Variants in DTNB observed in about 807,000 individuals in gnomAD.
DTNB encodes the protein DTN-B.
In DTNB, 63 loss-of-function variants were observed where a neutral mutation model predicts 90.7. The ratio of observed to expected loss-of-function variants is 0.69; its 90% confidence interval spans 0.57 to 0.86. The LOEUF is 0.86. Ranked by LOEUF, DTNB falls within the 40% of genes least tolerant of loss-of-function variation. The pLI, the probability that DTNB is intolerant of heterozygous loss-of-function variation, is 0.00. For synonymous variants in DTNB, 277 were observed against 286.7 expected (o/e 0.97, Z 0.34); for missense variants, 744 against 807.1 (o/e 0.92, Z 0.95).
intron 5 of DTNB, among the ~76,000 whole-genome samples, chr2:25,606,383 C>G (rs1022484002): frequency 3.3e-5 from 5 of 152,136 alleles, no homozygotes; most frequent in Non-Finnish European, 7.4e-5. Context: ...ACGTGTGTCT[C>G]CTGCTACAGC....
intron 14 of DTNB, chr2:25,427,886 GAATT>G: frequency 3.8e-6 from 1 of 264,308 alleles, no homozygotes; most frequent in East Asian, 7.6e-5. Flanking sequence ...TTACCAGAGT[GAATT>G]AATGATTAAA....
chr2:25,598,560 C>T (rs1471973352), intron 5 of DTNB, among the ~76,000 whole-genome samples: 1 of 152,186 alleles, frequency 6.6e-6, no homozygotes, highest in Non-Finnish European at 1.5e-5. Context: ...TTTAAAACCA[C>T]ACCTATCTGA....
chr2:25,442,181 TG>T (rs2057558796), intron 12 of DTNB, among the ~76,000 whole-genome samples: 2 of 152,364 alleles, frequency 1.3e-5, no homozygotes, highest in South Asian at 4.1e-4. Context: ...AGTAAAGTAC[TG>T]GTCCTTTGCC....
At chr2:25,442,386 C>G (rs2057615881) in intron 12 of DTNB, among the ~76,000 whole-genome samples, 2 of 152,174 alleles carry the variant, frequency 1.3e-5, no homozygotes, top group South Asian at 4.1e-4. Context: ...ACTCCAGTCA[C>G]CTAGAGGGAT....
At chr2:25,498,322 AGT>A (rs2069499978) in intron 9 of DTNB, among the ~76,000 whole-genome samples, 1 of 152,208 alleles carries the variant, frequency 6.6e-6, no homozygotes, top group Non-Finnish European at 1.5e-5. Context: ...CAAACCAACT[AGT>A]GTGACTGTTA....
chr2:25,649,315 C>T (rs35294680), intron 2 of DTNB, among the ~76,000 whole-genome samples: 66,964 of 152,042 alleles, frequency 0.44, 15,856 homozygotes, highest in East Asian at 0.77. Context: ...ATCCTTCCTA[C>T]TTTTCAATAT....
At chr2:25,519,651 A>G (rs1279120567) in intron 9 of DTNB, among the ~76,000 whole-genome samples, 2 of 152,118 alleles carry the variant, frequency 1.3e-5, no homozygotes, top group Non-Finnish European at 2.9e-5. Flanking sequence ...ACCAGTGAGC[A>G]TTTCCTTGGA....
chr2:25,656,432 G>A (rs2082077138), intron 1 of DTNB, among the ~76,000 whole-genome samples: 1 of 152,124 alleles, frequency 6.6e-6, no homozygotes, highest in South Asian at 2.1e-4. Flanking sequence ...GAAGACCAAT[G>A]CTACCATGAA....
At chr2:25,649,599 G>A (rs2080389268) in intron 2 of DTNB, among the ~76,000 whole-genome samples, 1 of 152,136 alleles carries the variant, frequency 6.6e-6, no homozygotes, top group Non-Finnish European at 1.5e-5. Flanking sequence ...CACGCCTGTA[G>A]TCCCAGATAC....
At chr2:25,625,830 C>A (rs577709598) in intron 4 of DTNB, among the ~76,000 whole-genome samples, 2 of 152,172 alleles carry the variant, frequency 1.3e-5, no homozygotes, top group South Asian at 2.1e-4. Flanking sequence ...AATCCTAACC[C>A]CCAAGGTACG....
chr2:25,423,717 T>C (rs759172946), intron 15 of DTNB, among the ~76,000 whole-genome samples: 5 of 151,860 alleles, frequency 3.3e-5, no homozygotes, highest in Non-Finnish European at 5.9e-5. Context: ...TGGGGTGCAG[T>C]GGTGTGATCT....
intron 6 of DTNB, among the ~76,000 whole-genome samples, chr2:25,584,486 A>G (rs1312521318): frequency 6.6e-6 from 1 of 152,104 alleles, no homozygotes; most frequent in Non-Finnish European, 1.5e-5. Flanking sequence ...TGTCATAAAA[A>G]TGTTATTTAT....
chr2:25,600,041 T>A (rs2065529439), intron 5 of DTNB, among the ~76,000 whole-genome samples: 1 of 152,204 alleles, frequency 6.6e-6, no homozygotes, highest in Non-Finnish European at 1.5e-5. Context: ...GGGGCTGCAG[T>A]GAGCTCTGAT....
At chr2:25,638,942 A>G in intron 3 of DTNB, 72 bp downstream of exon 3, 1 of 1,376,962 alleles carries the variant, frequency 7.3e-7, no homozygotes, top group African/African-American at 1.5e-5. Context: ...AATACAACTA[A>G]AAGATGTTAA....
chr2:25,520,338 C>T (rs1004237575), intron 9 of DTNB, among the ~76,000 whole-genome samples: 2 of 152,182 alleles, frequency 1.3e-5, no homozygotes, highest in Admixed American at 1.3e-4. Context: ...TGCCACCGTA[C>T]TCCAGCCTGG....
intron 10 of DTNB, among the ~76,000 whole-genome samples, chr2:25,462,963 A>G (rs1190129815): frequency 6.6e-6 from 1 of 152,190 alleles, no homozygotes; most frequent in East Asian, 1.9e-4. Flanking sequence ...TCGGCCTCCC[A>G]AAGTGCTGGG....
intron 16 of DTNB, among the ~76,000 whole-genome samples, chr2:25,414,658 T>A (rs2047439198): frequency 6.6e-6 from 1 of 152,206 alleles, no homozygotes; most frequent in Admixed American, 6.5e-5. Flanking sequence ...ACTAGTTATG[T>A]CCCTTATAAT....
intron 2 of DTNB, among the ~76,000 whole-genome samples, chr2:25,645,282 G>A (rs1057434712): frequency 1.3e-5 from 2 of 150,988 alleles, no homozygotes; most frequent in African/African-American, 4.9e-5. Flanking sequence ...ACTTGAGAGG[G>A]TGAGGCATGA....
chr2:25,498,486 T>C, intron 9 of DTNB, among the ~76,000 whole-genome samples: 1 of 152,060 alleles, frequency 6.6e-6, no homozygotes, highest in East Asian at 1.9e-4. Flanking sequence ...CTACAAACTC[T>C]AAGGATATAG....
Sources: allele counts gnomAD v4.1 joint callset (sites outside exome capture counted in the v4.1 genomes callset), GRCh38; gene constraint gnomAD v4.1.1; transcripts MANE v1.5; gene names NCBI Gene and HGNC (gene_info 2026-07-23, HGNC 2026-07-21).